ENTREP2: variants seen among roughly 807,000 people sequenced by gnomAD.
The protein encoded by ENTREP2 is endosomal transmembrane epsin interactor 2, also known as protein ENTREP2.
chr15:29,648,013 G>A, the ENTREP2 span, among the ~76,000 whole-genome samples: 1 of 152,122 alleles, frequency 6.6e-6, no homozygotes, highest in Non-Finnish European at 1.5e-5. Context: ...CACGCAACCA[G>A]AAAACTTCCT....
the ENTREP2 span, among the ~76,000 whole-genome samples, chr15:29,558,553 C>T: frequency 2.0e-5 from 3 of 150,452 alleles, no homozygotes; most frequent in East Asian, 2.0e-4. Context: ...CCAGGTGGGG[C>T]TTCCCAGGCA....
chr15:29,441,864 G>C, the ENTREP2 span, among the ~76,000 whole-genome samples: 45 of 152,158 alleles, frequency 3.0e-4, no homozygotes, highest in East Asian at 8.5e-3. Flanking sequence ...ATAGCTCACC[G>C]CCATCTCTGT....
At chr15:29,656,023 A>T in the ENTREP2 span, among the ~76,000 whole-genome samples, 9 of 109,886 alleles carry the variant, frequency 8.2e-5, no homozygotes, top group Non-Finnish European at 1.4e-4. Context: ...CACTCCGTTT[A>T]AAAAAAAAAA....
the ENTREP2 span, among the ~76,000 whole-genome samples, chr15:29,558,479 C>A: frequency 1.3e-5 from 2 of 151,526 alleles, no homozygotes; most frequent in South Asian, 4.2e-4. Context: ...ACCTCCCAGA[C>A]CAGCCCGGCC....
At chr15:29,649,324 T>A in the ENTREP2 span, among the ~76,000 whole-genome samples, 1 of 152,222 alleles carries the variant, frequency 6.6e-6, no homozygotes, top group East Asian at 1.9e-4. Flanking sequence ...ACTTTTCTCC[T>A]TGTTCTTAGG....
At chr15:29,534,187 G>A in the ENTREP2 span, among the ~76,000 whole-genome samples, 5 of 150,116 alleles carry the variant, frequency 3.3e-5, no homozygotes, top group Non-Finnish European at 4.4e-5. Context: ...TCACCGGAAC[G>A]TGGGAGCCAA....
the ENTREP2 span, among the ~76,000 whole-genome samples, chr15:29,181,005 A>G: frequency 1.3e-5 from 2 of 152,140 alleles, no homozygotes; most frequent in Admixed American, 1.3e-4. Flanking sequence ...GACAAGATCA[A>G]TAAATATTAA....
the ENTREP2 span, among the ~76,000 whole-genome samples, chr15:29,129,682 C>T: frequency 1.6e-4 from 24 of 152,214 alleles, no homozygotes; most frequent in South Asian, 4.2e-4. Context: ...ACTCTGATTC[C>T]GCCTGGAGAG....
At chr15:29,588,076 G>A in the ENTREP2 span, among the ~76,000 whole-genome samples, 3 of 152,092 alleles carry the variant, frequency 2.0e-5, no homozygotes, top group Admixed American at 2.0e-4. Flanking sequence ...CATCGACAGC[G>A]GCTAACATTG....
the ENTREP2 span, among the ~76,000 whole-genome samples, chr15:29,498,821 T>G: frequency 6.6e-6 from 1 of 152,284 alleles, no homozygotes; most frequent in East Asian, 1.9e-4. Context: ...TTGCTGTATA[T>G]TATTTACGTG....
chr15:29,308,307 T>A, the ENTREP2 span, among the ~76,000 whole-genome samples: 1 of 151,786 alleles, frequency 6.6e-6, no homozygotes, highest in African/African-American at 2.4e-5. Context: ...GCCAGGGAGG[T>A]GGAGGTTGCA....
the ENTREP2 span, among the ~76,000 whole-genome samples, chr15:29,404,392 C>T: frequency 6.6e-6 from 1 of 151,924 alleles, no homozygotes; most frequent in African/African-American, 2.4e-5. Flanking sequence ...GTCTCCACTC[C>T]CCAGTCCTGC....
At chr15:29,395,132 C>G in the ENTREP2 span, among the ~76,000 whole-genome samples, 5 of 151,480 alleles carry the variant, frequency 3.3e-5, no homozygotes, top group Non-Finnish European at 5.9e-5. Flanking sequence ...TCGTGATCCG[C>G]CCGCCTCGGC....
the ENTREP2 span, among the ~76,000 whole-genome samples, chr15:29,140,865 GTCTTC>G: frequency 2.0e-5 from 3 of 152,212 alleles, no homozygotes; most frequent in African/African-American, 7.2e-5. Context: ...ATCTGTAACT[GTCTTC>G]TCTGATCCAT....
the ENTREP2 span, among the ~76,000 whole-genome samples, chr15:29,659,802 A>ATAT: frequency 6.8e-6 from 1 of 147,146 alleles, no homozygotes; most frequent in Non-Finnish European, 1.5e-5. Flanking sequence ...ATGCCACTAT[A>ATAT]TTTTTTTTTT....
At chr15:29,189,504 T>C in the ENTREP2 span, among the ~76,000 whole-genome samples, 5 of 152,128 alleles carry the variant, frequency 3.3e-5, no homozygotes, top group Non-Finnish European at 5.9e-5. Flanking sequence ...GGGAAACTTT[T>C]ATCTCCTTGT....
At chr15:29,288,872 A>C in the ENTREP2 span, among the ~76,000 whole-genome samples, 1 of 152,300 alleles carries the variant, frequency 6.6e-6, no homozygotes, top group East Asian at 1.9e-4. Context: ...ACAAATCACA[A>C]ATAACTCAAT....
At chr15:29,422,480 C>T in the ENTREP2 span, among the ~76,000 whole-genome samples, 40 of 152,158 alleles carry the variant, frequency 2.6e-4, no homozygotes, top group Admixed American at 2.6e-4. Flanking sequence ...ATAAAGAGAA[C>T]GGCAGGGTAA....
chr15:29,470,194 G>C, the ENTREP2 span, among the ~76,000 whole-genome samples: 8 of 152,200 alleles, frequency 5.3e-5, no homozygotes, highest in Admixed American at 1.3e-4. Flanking sequence ...GCAGGATCCA[G>C]CAAAGCCACT....
Sources: gnomAD v4.1 joint callset for allele counts (sites outside exome capture counted in the v4.1 genomes callset) on GRCh38, gnomAD v4.1.1 for gene constraint, MANE v1.5 for transcripts, NCBI Gene and HGNC (gene_info 2026-07-23, HGNC 2026-07-21) for gene names.